NXPE1: variants seen among roughly 807,000 people sequenced by gnomAD.
The protein encoded by NXPE1 is NXPE family member 1.
NXPE1 carries 31 observed loss-of-function variants against 33.3 expected under a neutral mutation model. The observed-to-expected ratio is 0.93, with a 90% CI of 0.70 to 1.26. NXPE1 has a LOEUF of 1.26. Among genes scored for constraint, NXPE1 ranks in the 50% most tolerant of loss-of-function variants. NXPE1 has a pLI of 0.00. For synonymous variants in NXPE1, 229 were observed against 231.4 expected (o/e 0.99, Z 0.09); for missense variants, 661 against 655.6 (o/e 1.01, Z -0.09).
At chr11:114,524,757 G>A (rs933762818) in intron 7 of NXPE1, among the ~76,000 whole-genome samples, 1 of 152,068 alleles carries the variant, frequency 6.6e-6, no homozygotes, top group Non-Finnish European at 1.5e-5. Context: ...TATGTGTCAG[G>A]TATTCATTTT....
At chr11:114,547,248 T>G (rs553882582) in intron 5 of NXPE1, among the ~76,000 whole-genome samples, 2 of 152,308 alleles carry the variant, frequency 1.3e-5, no homozygotes, top group South Asian at 4.1e-4. Flanking sequence ...CATGCATCCT[T>G]GATGTGATGT....
At chr11:114,523,014 A>T (rs1381666730) in exon 8 of NXPE1, 1 of 1,613,520 alleles carries the variant, frequency 6.2e-7, no homozygotes, top group African/African-American at 1.3e-5. Context: ...GTTGTTATCC[A>T]TTTTCCTTGT....
intron 1 of NXPE1, chr11:114,554,371 A>G: frequency 1.0e-6 from 1 of 985,190 alleles, no homozygotes; most frequent in Non-Finnish European, 1.2e-6. Context: ...GCAGCAGCCT[A>G]GCTTAGACCA....
At chr11:114,551,268 C>T in intron 4 of NXPE1, 57 bp from the exon 5 acceptor site, 1 of 1,312,910 alleles carries the variant, frequency 7.6e-7, no homozygotes, top group African/African-American at 1.5e-5. Flanking sequence ...TGTACTCACT[C>T]ATTATTTTAT....
chr11:114,521,441 T>C (rs1947208917), downstream of NXPE1, among the ~76,000 whole-genome samples: 1 of 152,212 alleles, frequency 6.6e-6, no homozygotes. Context: ...CATTTGTCTT[T>C]GATTATTTGC....
intron 5 of NXPE1, among the ~76,000 whole-genome samples, chr11:114,548,263 G>A (rs1591298144): frequency 6.6e-6 from 1 of 152,038 alleles, no homozygotes; most frequent in Non-Finnish European, 1.5e-5. Flanking sequence ...CTTATTTATA[G>A]CATGCCAAGT....
chr11:114,520,957 A>T (rs1947197698), downstream of NXPE1, among the ~76,000 whole-genome samples: 4 of 152,340 alleles, frequency 2.6e-5, no homozygotes, highest in South Asian at 8.3e-4. Context: ...TGGATTCAGA[A>T]GTGACAGCCT....
chr11:114,530,369 G>C (rs180953672), exon 6 of NXPE1: 5 of 1,614,028 alleles, frequency 3.1e-6, no homozygotes, highest in Admixed American at 3.3e-5. Flanking sequence ...AGACATGAGA[G>C]GTGCCATTAA....
chr11:114,540,238 G>A (rs1948042557), intron 5 of NXPE1, among the ~76,000 whole-genome samples: 1 of 152,140 alleles, frequency 6.6e-6, no homozygotes, highest in Non-Finnish European at 1.5e-5. Flanking sequence ...ATTACGGTGT[G>A]AGCCACCATG....
chr11:114,525,907 T>A (rs1209324117), intron 7 of NXPE1, among the ~76,000 whole-genome samples: 1 of 152,242 alleles, frequency 6.6e-6, no homozygotes, highest in Non-Finnish European at 1.5e-5. Context: ...TCTTATTCCA[T>A]CCATTGGTCT....
At chr11:114,553,128 C>T (rs1309377786) in intron 1 of NXPE1, among the ~76,000 whole-genome samples, 1 of 152,174 alleles carries the variant, frequency 6.6e-6, no homozygotes, top group African/African-American at 2.4e-5. Flanking sequence ...TGGGTTTGAG[C>T]TTTAATGCCA....
At chr11:114,523,722 G>T (rs1947284954) in intron 7 of NXPE1, among the ~76,000 whole-genome samples, 1 of 152,140 alleles carries the variant, frequency 6.6e-6, no homozygotes, top group South Asian at 2.1e-4. Flanking sequence ...ATTACAGGTA[G>T]GTAGCAGTGA....
At chr11:114,551,788 G>A (rs939382684) in intron 3 of NXPE1, among the ~76,000 whole-genome samples, 186 bp downstream of exon 3, 1 of 152,124 alleles carries the variant, frequency 6.6e-6, no homozygotes, top group Non-Finnish European at 1.5e-5. Context: ...GCTGGGCACT[G>A]TGTGAGGAAG....
At position 114,527,916 on chromosome 11, in the gene NXPE1, T is replaced by A. The variant is rs79589894; in HGVS notation, c.834-15A>T. 2.2e-6 allele frequency: 3 copies of A among 1,381,916 alleles called. No individual in the cohort carries two copies. The highest frequency in any genetic ancestry group is 1.5e-5 in the African/African-American group (1 of 66,782). 85.6% of individuals were successfully genotyped at this position (1,381,916 alleles called of 1,614,324 possible). A position where few individuals can be genotyped will look rare whatever the true frequency, so the allele number is the denominator to read the frequency against. Reference sequence around the variant, plus strand: ...CCACTTTGGACCTTCAAAAAAAAAATAGAACAATAAATTAGCCTGCTCTCT... The same window carrying A: ...CCACTTTGGACCTTCAAAAAAAAAAAAGAACAATAAATTAGCCTGCTCTCT... On this transcript the variant is annotated splice_polypyrimidine_tract_variant and intron_variant, in intron 6 of 8. Transcript: ENST00000534921.
chr11:114,532,487 A>T (rs1032326192), intron 5 of NXPE1, among the ~76,000 whole-genome samples: 3 of 152,214 alleles, frequency 2.0e-5, no homozygotes, highest in Non-Finnish European at 4.4e-5. Flanking sequence ...AATCATCATG[A>T]TGATAAACCT....
chr11:114,522,169 C>T, exon 9 of NXPE1: 2 of 1,613,940 alleles, frequency 1.2e-6, no homozygotes, highest in Non-Finnish European at 8.5e-7. Context: ...TGTGCATCTC[C>T]CTGATGTTTT....
intron 1 of NXPE1, among the ~76,000 whole-genome samples, chr11:114,555,665 A>G (rs1385162799): frequency 2.0e-5 from 3 of 152,190 alleles, no homozygotes; most frequent in African/African-American, 7.2e-5. Context: ...CCTCCTGTGC[A>G]TGCCCCGCTG....
intron 1 of NXPE1, among the ~76,000 whole-genome samples, chr11:114,559,442 T>C (rs535260409): frequency 3.3e-4 from 51 of 152,344 alleles, no homozygotes; most frequent in African/African-American, 1.2e-3. Flanking sequence ...TTGATGTCCT[T>C]CTTCCTCTCT....
At chr11:114,519,753 G>T (rs1303272997), downstream of NXPE1, among the ~76,000 whole-genome samples, 1 of 152,042 alleles carries the variant, frequency 6.6e-6, no homozygotes, top group Non-Finnish European at 1.5e-5. Context: ...GACATTTAAA[G>T]AATTTTGTGT....
Sources: allele counts gnomAD v4.1 joint callset (sites outside exome capture counted in the v4.1 genomes callset), GRCh38; gene constraint gnomAD v4.1.1; transcripts MANE v1.5; gene names NCBI Gene and HGNC (gene_info 2026-07-23, HGNC 2026-07-21).